The following RSPH4A variants were observed in gnomAD, a reference collection of about 807,000 sequenced individuals.
RSPH4A encodes radial spoke head component 4A, also known as radial spoke head protein 4 homolog A.
A neutral mutation model predicts 71.0 loss-of-function variants in RSPH4A; 47 were observed. The observed-to-expected ratio is 0.66, with a 90% CI of 0.52 to 0.84. The LOEUF (loss-of-function observed/expected upper bound fraction) is 0.84, where lower values mean the gene tolerates loss of function less well. Among genes scored for constraint, RSPH4A ranks in the 40% least tolerant of loss-of-function variants. The pLI, the probability that RSPH4A is intolerant of heterozygous loss-of-function variation, is 0.00. For synonymous variants in RSPH4A, 282 were observed against 302.3 expected (o/e 0.93, Z 0.70); for missense variants, 793 against 855.2 (o/e 0.93, Z 0.91).
At chr6:116,631,204 T>C (rs1247511305) in intron 5 of RSPH4A, among the ~76,000 whole-genome samples, 1 of 152,228 alleles carries the variant, frequency 6.6e-6, no homozygotes, top group African/African-American at 2.4e-5. Flanking sequence ...CTTAGTAGAT[T>C]AATGGAGGTA....
At position 116,629,635 on chromosome 6, in the gene RSPH4A, A is replaced by G. The variant is rs73765819; in HGVS notation, c.1731A>G (p.Lys577=). Residue 577 remains lysine, a synonymous_variant, in exon 4 of 6, where the codon AAA becomes AAG. Transcript: ENST00000229554. ...AAGAAGAGGAAGAAGATGAAGAAAA[A>G]GACGATTCTGACTACATAGAACAGG... is the stretch of plus-strand genomic sequence containing the variant. ...EEEEEEEDEE[K]DDSDYIEQEV... 1,881 of 1,613,266 alleles carry G rather than the reference A, an allele frequency of 1.2e-3. 22 individuals carry two copies. In the African/African-American group the frequency reaches 0.022, roughly 19 times the overall value.
chr6:116,627,516 A>C lies in RSPH4A; in HGVS notation c.922-113A>C, dbSNP rs1051795647. On this transcript the variant is annotated intron_variant, in intron 2 of 5. Coordinates refer to ENST00000229554, the MANE Select transcript of RSPH4A (RefSeq NM_001010892.3). ...CAGCCAATTTGATCTAAATCTTGAG[A>C]GAAATGTCAAAGAAGTGGTGGAGAA... The C allele has an allele frequency of 1.3e-5, 12 of 927,872 alleles. No homozygotes were observed. The African/African-American group carries it at 1.9e-4, about 15-fold the overall frequency. 57.5% of individuals were successfully genotyped at this position (927,872 alleles called of 1,614,324 possible).
rs555565982 is a variant in RSPH4A at position 116,616,888 on chromosome 6, G to A, written c.265G>A (p.Glu89Lys). ...TSSPAPVSPR[E>K]PSSSPSPLAP... is the part of the protein sequence containing the mutation. ...ATCACCTGCTCCTGTCTCTCCGCGG[G>A]AGCCCTCTTCCTCTCCTTCTCCCCT... Residue 89 changes from glutamate (E) to lysine (K), a missense_variant, in exon 1 of 6, where the codon GAG (glutamate) becomes AAG (lysine). Transcript: ENST00000229554. The A allele has an allele frequency of 6.2e-7, 1 of 1,614,176 alleles. No individual in the cohort carries two copies. Among genetic ancestry groups the A allele is most frequent in the East Asian group, 2.2e-5 (1 of 44,872 alleles).
At chr6:116,621,523 A>C (rs1280682865) in intron 1 of RSPH4A, among the ~76,000 whole-genome samples, 1 of 152,230 alleles carries the variant, frequency 6.6e-6, no homozygotes, top group African/African-American at 2.4e-5. Flanking sequence ...AACGTACTGC[A>C]GTTGCTGAAT....
chr6:116,630,132 G>T (rs1415714395), intron 4 of RSPH4A, among the ~76,000 whole-genome samples: 2 of 152,080 alleles, frequency 1.3e-5, no homozygotes, highest in African/African-American at 4.8e-5. Flanking sequence ...TATTAATGAT[G>T]TACCTTTCAT....
Position 116,629,581 on chromosome 6 carries a change from G to A in RSPH4A, c.1677G>A (p.Trp559Ter), listed in dbSNP as rs1319407589. ...QHILSQGRCN[W>*]FNSIQKNEEE... ...TTCATTCCCAGGGTCGCTGTAATTG[G>A]TTCAACTCCATACAAAAAAATGAGG... is the stretch of plus-strand genomic sequence containing the variant. The change falls in exon 4 of 6, where the codon TGG (tryptophan) becomes TGA (stop). Residue 559 changes from tryptophan (W) to a stop codon, truncating the protein, a stop_gained. Transcript: ENST00000229554. LOFTEE classifies it high-confidence loss of function. The A allele has an allele frequency of 6.2e-7, 1 of 1,612,874 alleles. No homozygotes were observed. Among genetic ancestry groups the A allele is most frequent in the Non-Finnish European group, 8.5e-7 (1 of 1,179,098 alleles).
Position 116,632,202 on chromosome 6 carries a change from TATAG to T in RSPH4A, c.1917-3_1917del, listed in dbSNP as rs1775815926. On this transcript the variant is annotated splice_acceptor_variant and splice_polypyrimidine_tract_variant and intron_variant, in intron 5 of 5. Coordinates refer to ENST00000229554, the MANE Select transcript of RSPH4A (RefSeq NM_001010892.3). LOFTEE classifies it high-confidence loss of function. ...TTTTTTTCTTCTTCTTTTTCTTACT[TATAG>T]AAAGTTTGAAAATTTCTACATAGGC... The T allele has an allele frequency of 6.3e-7, 1 of 1,597,226 alleles. No homozygotes were observed. The highest frequency in any genetic ancestry group is 1.3e-5 in the African/African-American group (1 of 74,262).
At chr6:116,618,420 T>G (rs1359335098) in intron 1 of RSPH4A, among the ~76,000 whole-genome samples, 2 of 152,252 alleles carry the variant, frequency 1.3e-5, no homozygotes, top group African/African-American at 4.8e-5. Context: ...TACTTAGTGG[T>G]AGCACAATGC....
At chr6:116,627,558 A>G in intron 2 of RSPH4A, 71 bp from the exon 3 acceptor site, 1 of 1,143,060 alleles carries the variant, frequency 8.7e-7, no homozygotes, top group African/African-American at 1.5e-5. Flanking sequence ...ATATCGAGAT[A>G]CATGAAAAAG....
intron 1 of RSPH4A, among the ~76,000 whole-genome samples, chr6:116,618,185 T>G (rs2093341698): frequency 6.6e-6 from 1 of 152,240 alleles, no homozygotes; most frequent in Admixed American, 6.5e-5. Context: ...CTGTTCCCTC[T>G]GCCCAGAAGG....
chr6:116,627,609 C>G lies in RSPH4A; in HGVS notation c.922-20C>G. On this transcript the variant is annotated intron_variant, in intron 2 of 5. Transcript: ENST00000229554. The stretch of plus-strand genomic sequence containing the variant: ...ATTTGTCTTATTGATAAATTTTAAC[C>G]ACAGCATTTGTTTCCCCAGGCAGAA... The G allele has an allele frequency of 6.3e-7, 1 of 1,581,666 alleles. No homozygotes were observed. Among genetic ancestry groups the G allele is most frequent in the Non-Finnish European group, 8.7e-7 (1 of 1,150,388 alleles).
chr6:116,622,943 A>C lies in RSPH4A; in HGVS notation c.862A>C (p.Lys288Gln). The C allele has an allele frequency of 1.2e-6, 2 of 1,614,000 alleles. No homozygotes were observed. The highest frequency in any genetic ancestry group is 1.7e-4 in the Middle Eastern group (1 of 6,058). ...LPTYEIAEKQ[K>Q]ALFLQGHLEG... ...AACATATGAAATAGCAGAAAAGCAAAAGGCTCTTTTTCTCCAGGGACATTT... is the reference window on the plus strand; with the variant it reads ...AACATATGAAATAGCAGAAAAGCAACAGGCTCTTTTTCTCCAGGGACATTT... Residue 288 changes from lysine to glutamine, a missense_variant, in exon 2 of 6, where the codon AAG becomes CAG. By Grantham distance (53) the Lys-to-Gln change is moderately conservative. Coordinates refer to ENST00000229554, the MANE Select transcript of RSPH4A (RefSeq NM_001010892.3).
In RSPH4A at chr6:116,629,713, G is replaced by T. The variant is rs41290844; in HGVS notation, c.1798+11G>T. On this transcript the variant is annotated intron_variant, in intron 4 of 5. Coordinates refer to ENST00000229554, the MANE Select transcript of RSPH4A (RefSeq NM_001010892.3). ...TCTCTGAAGATTTAGGTTATTTTACGTAACTATTATCACACACAGACACAC... is the reference window on the plus strand; with the variant it reads ...TCTCTGAAGATTTAGGTTATTTTACTTAACTATTATCACACACAGACACAC... The T allele has an allele frequency of 1.9e-6, 3 of 1,601,840 alleles. No individual in the cohort carries two copies. Among genetic ancestry groups the T allele is most frequent in the Non-Finnish European group, 2.6e-6 (3 of 1,169,486 alleles).
Position 116,616,797 on chromosome 6 carries a change from C to G in RSPH4A, c.174C>G (p.Ser58Arg), listed in dbSNP as rs750467499. ...AAACTGGACGCCAGTCCCGAAGCAG[C>G]CGTCCTTGGAGCCCGCAGTCTAGAG... ...GPETGRQSRSSRPWSPQSRAK... is the reference protein window; with the variant it reads ...GPETGRQSRSRRPWSPQSRAK... Residue 58 changes from serine (S) to arginine (R), a missense_variant, in exon 1 of 6, where the codon AGC becomes AGG. By Grantham distance (110) the Ser-to-Arg change is moderately radical (BLOSUM62 -1). Transcript: ENST00000229554. The G allele has an allele frequency of 5.0e-6, 8 of 1,614,052 alleles. No homozygotes were observed. Among genetic ancestry groups the G allele is most frequent in the Non-Finnish European group, 6.8e-6 (8 of 1,180,034 alleles).
At chr6:116,628,507 C>A in intron 3 of RSPH4A, 138 bp downstream of exon 3, 2 of 704,206 alleles carry the variant, frequency 2.8e-6, no homozygotes, top group Non-Finnish European at 4.7e-6. Context: ...ATTAAAAACA[C>A]AGCCAAAAAT....
chr6:116,621,710 G>A (rs1775611670), intron 1 of RSPH4A, among the ~76,000 whole-genome samples: 1 of 152,122 alleles, frequency 6.6e-6, no homozygotes, highest in African/African-American at 2.4e-5. Flanking sequence ...GCAAGCAAAA[G>A]CTCCCAGGTA....
chr6:116,625,103 A>T (rs1022384201), intron 2 of RSPH4A, among the ~76,000 whole-genome samples: 9 of 152,098 alleles, frequency 5.9e-5, no homozygotes, highest in Admixed American at 3.9e-4. Flanking sequence ...ACCCTGAGGG[A>T]TAGAGGTAGT....
In RSPH4A at chr6:116,623,017, C is replaced by T. The variant is rs771513720; in HGVS notation, c.921+15C>T. The T allele has an allele frequency of 7.0e-7, 1 of 1,434,360 alleles. No individual in the cohort carries two copies. Among genetic ancestry groups the T allele is most frequent in the Non-Finnish European group, 9.8e-7 (1 of 1,016,284 alleles). 88.9% of individuals were successfully genotyped at this position (1,434,360 alleles called of 1,614,324 possible). A position where few individuals can be genotyped will look rare whatever the true frequency, so the allele number is the denominator to read the frequency against. On this transcript the variant is annotated intron_variant, in intron 2 of 5. Transcript: ENST00000229554. Reference sequence around the variant, plus strand: ...AAGATGAAATAGTAAGTCACTACTACAAATTTTAATAATAAACCTTAGGAT... The same window carrying T: ...AAGATGAAATAGTAAGTCACTACTATAAATTTTAATAATAAACCTTAGGAT...
rs778524477 is a variant in RSPH4A, at chr6:116,622,932, C to T, written c.851C>T (p.Ala284Val). 11 of 1,613,598 alleles carry T rather than the reference C, an allele frequency of 6.8e-6. No homozygotes were observed. The change falls in exon 2 of 6, where the codon GCA becomes GTA. Residue 284 changes from alanine (A) to valine (V), a missense_variant. By Grantham distance (64) the Ala-to-Val change is moderately conservative. Coordinates refer to ENST00000229554, the MANE Select transcript of RSPH4A (RefSeq NM_001010892.3). ...GAGTTGCTTCCAACATATGAAATAG[C>T]AGAAAAGCAAAAGGCTCTTTTTCTC... Reference protein sequence around the residue: ...ENELLPTYEIAEKQKALFLQG... With the variant: ...ENELLPTYEIVEKQKALFLQG...
Sources: gnomAD v4.1 joint callset for allele counts (sites outside exome capture counted in the v4.1 genomes callset) on GRCh38, gnomAD v4.1.1 for gene constraint, MANE v1.5 for transcripts, NCBI Gene and HGNC (gene_info 2026-07-23, HGNC 2026-07-21) for gene names.